Variants in RBFOX1 observed in about 807,000 individuals in gnomAD.
The protein encoded by RBFOX1 is RNA binding protein fox-1 homolog 1.
In RBFOX1, 8 loss-of-function variants were observed where a neutral mutation model predicts 57.7. The observed-to-expected ratio is 0.14, with a 90% CI of 0.08 to 0.25. The LOEUF (loss-of-function observed/expected upper bound fraction) is 0.25. Ranked by LOEUF, RBFOX1 falls within the 10% of genes least tolerant of loss-of-function variation. The probability of loss-of-function intolerance (pLI) is 1.00; values close to 1 mark genes in which losing one functional copy is unlikely to be tolerated. For synonymous variants in RBFOX1, 326 were observed against 222.4 expected, an observed-to-expected ratio of 1.47 and a Z score of -4.15; for missense variants, 611 against 548.5, an observed-to-expected ratio of 1.11 and a Z score of -1.14.
intron 4 of RBFOX1, among the ~76,000 whole-genome samples, chr16:7,414,135 A>G (rs532360191): frequency 2.6e-4 from 40 of 152,362 alleles, no homozygotes; most frequent in African/African-American, 8.2e-4. Flanking sequence ...TCTACAGACA[A>G]TCCATTCATT....
At chr16:5,415,191 G>A (rs572266828) in intron 1 of RBFOX1, among the ~76,000 whole-genome samples, 1 of 152,180 alleles carries the variant, frequency 6.6e-6, no homozygotes, top group Non-Finnish European at 1.5e-5. Flanking sequence ...TTAACTTGCA[G>A]TTCTATGTGG....
At position 6,724,207 on chromosome 16, in the gene RBFOX1, C is replaced by CTT. The variant is rs766088068; in HGVS notation, c.-16+69557_-16+69558insTT. Among the ~76,000 whole-genome samples, 661 of 141,536 alleles carry CTT rather than the reference C, an allele frequency of 4.7e-3. 9 individuals carry two copies. Among genetic ancestry groups the CTT allele is most frequent in the African/African-American group, 0.016 (585 of 37,200 alleles). The allele number at this position is 141,536 out of a possible 152,430, so 92.9% of individuals were successfully genotyped here. A position where few individuals can be genotyped will look rare whatever the true frequency, so the allele number is the denominator to read the frequency against. ...ATGAGGACGGCGAGAAGGCATCTTC[C>CTT]ATTTTTTTTTTTTTTTTTTGAGTTG... is the stretch of plus-strand genomic sequence containing the variant. On this transcript the variant is annotated intron_variant, in intron 3 of 15. Coordinates refer to ENST00000550418, the MANE Select transcript of RBFOX1 (RefSeq NM_018723.4).
chr16:5,265,876 A>T (rs1426321124), intron 1 of RBFOX1, among the ~76,000 whole-genome samples: 1 of 152,036 alleles, frequency 6.6e-6, no homozygotes, highest in South Asian at 2.1e-4. Context: ...TCTGCATGTA[A>T]ATGGCGGTGT....
chr16:6,593,542 T>C (rs1046395278), intron 2 of RBFOX1, among the ~76,000 whole-genome samples: 7 of 152,126 alleles, frequency 4.6e-5, no homozygotes, highest in Admixed American at 1.3e-4. Context: ...GAATCGAGGA[T>C]TGTGGCTTTG....
intron 4 of RBFOX1, among the ~76,000 whole-genome samples, chr16:7,165,640 G>C (rs1165464956): frequency 6.6e-6 from 1 of 151,700 alleles, no homozygotes; most frequent in Non-Finnish European, 1.5e-5. Flanking sequence ...CGTTGGTCAG[G>C]CTGGTCTCAA....
At chr16:6,839,704 G>A (rs2093351101) in intron 3 of RBFOX1, among the ~76,000 whole-genome samples, 1 of 152,196 alleles carries the variant, frequency 6.6e-6, no homozygotes, top group South Asian at 2.1e-4. Context: ...TGGGATATTA[G>A]AAGGCACACG....
intron 3 of RBFOX1, among the ~76,000 whole-genome samples, chr16:5,721,474 T>C (rs1180506834): frequency 6.6e-6 from 1 of 152,214 alleles, no homozygotes; most frequent in African/African-American, 2.4e-5. Flanking sequence ...TCTTGCCCAA[T>C]TGCCCTGGCT....
intron 2 of RBFOX1, among the ~76,000 whole-genome samples, chr16:5,472,420 G>C (rs2069170237): frequency 6.6e-6 from 1 of 152,176 alleles, no homozygotes; most frequent in African/African-American, 2.4e-5. Flanking sequence ...CTCAGGGTTA[G>C]ATAGGCGAAT....
At chr16:7,284,140 A>T (rs2095602695) in intron 4 of RBFOX1, among the ~76,000 whole-genome samples, 1 of 152,238 alleles carries the variant, frequency 6.6e-6, no homozygotes, top group Non-Finnish European at 1.5e-5. Context: ...GCTGAGTAGC[A>T]TTCTGTGGTA....
intron 3 of RBFOX1, among the ~76,000 whole-genome samples, chr16:6,918,618 T>A: frequency 6.6e-6 from 1 of 152,162 alleles, no homozygotes; most frequent in East Asian, 1.9e-4. Flanking sequence ...TACCCAAATC[T>A]CATACCCTTC....
At chr16:7,011,596 C>G (rs767690728) in intron 3 of RBFOX1, among the ~76,000 whole-genome samples, 1 of 152,170 alleles carries the variant, frequency 6.6e-6, no homozygotes, top group Non-Finnish European at 1.5e-5. Flanking sequence ...TCACTGCAAG[C>G]TCCGCATCCC....
chr16:5,463,851 G>C (rs2068871575), intron 1 of RBFOX1, among the ~76,000 whole-genome samples: 1 of 151,480 alleles, frequency 6.6e-6, no homozygotes, highest in African/African-American at 2.4e-5. Flanking sequence ...GCAACAGCAA[G>C]ATTACAACAC....
intron 3 of RBFOX1, among the ~76,000 whole-genome samples, chr16:5,768,102 A>C (rs2053850124): frequency 6.6e-6 from 1 of 152,228 alleles, no homozygotes; most frequent in South Asian, 2.1e-4. Context: ...ATTCTCTTCA[A>C]ATAAACTTTC....
Position 5,804,395 on chromosome 16 carries a change from T to C in RBFOX1, c.319-62908T>C, listed in dbSNP as rs568006048. ...GTGGTAGTGACAGAGTTTTTGTCTG[T>C]AATCCAGAAGGACGTTAGTGAAATA... On this transcript the variant is annotated intron_variant, in intron 3 of 19. Transcript: ENST00000641259. Among the ~76,000 whole-genome samples the C allele has an allele frequency of 7.9e-5, 12 of 152,350 alleles. 1 individual carries two copies. In the East Asian group the frequency reaches 2.3e-3, roughly 29 times the overall value.
chr16:6,464,057 A>C (rs916217033), intron 2 of RBFOX1, among the ~76,000 whole-genome samples: 1 of 152,198 alleles, frequency 6.6e-6, no homozygotes, highest in African/African-American at 2.4e-5. Flanking sequence ...TCAAATTTTC[A>C]TGTTAGTTCC....
At chr16:6,148,388 A>C (rs2096774329) in intron 1 of RBFOX1, among the ~76,000 whole-genome samples, 1 of 152,146 alleles carries the variant, frequency 6.6e-6, no homozygotes, top group South Asian at 2.1e-4. Flanking sequence ...ATTTTGTTTC[A>C]CTTTTCTATT....
chr16:7,621,943 T>C (rs1049621332), intron 10 of RBFOX1, among the ~76,000 whole-genome samples: 3 of 152,240 alleles, frequency 2.0e-5, no homozygotes, highest in African/African-American at 7.2e-5. Flanking sequence ...GTAGCTGTCT[T>C]CCAATGAAAC....
chr16:5,722,589 T>C (rs958967721), intron 3 of RBFOX1, among the ~76,000 whole-genome samples: 2 of 152,158 alleles, frequency 1.3e-5, no homozygotes, highest in Non-Finnish European at 2.9e-5. Flanking sequence ...GGCATCTTTA[T>C]CAGTGAAATC....
At chr16:6,493,277 G>A (rs10431959) in intron 2 of RBFOX1, among the ~76,000 whole-genome samples, 26 of 151,930 alleles carry the variant, frequency 1.7e-4, no homozygotes, top group African/African-American at 6.0e-4. Flanking sequence ...GGGTCAGTAT[G>A]CTCTTTGGAA....
Sources: gnomAD v4.1 joint callset for allele counts (sites outside exome capture counted in the v4.1 genomes callset) on GRCh38, gnomAD v4.1.1 for gene constraint, MANE v1.5 for transcripts, NCBI Gene and HGNC (gene_info 2026-07-23, HGNC 2026-07-21) for gene names.